The following SCARF2 variants were observed in gnomAD, a reference collection of about 807,000 sequenced individuals.
The protein encoded by SCARF2 is scavenger receptor expressed by endothelial cells 2 protein.
Under a neutral mutation model 73.4 loss-of-function variants are expected in SCARF2, and 39 were observed. The ratio of observed to expected loss-of-function variants is 0.53; its 90% confidence interval spans 0.41 to 0.69. The LOEUF is 0.69. Among genes scored for constraint, SCARF2 ranks in the 30% least tolerant of loss-of-function variants. SCARF2 has a pLI of 0.00. For synonymous variants in SCARF2, 605 were observed against 590.0 expected (o/e 1.03, Z -0.37); for missense variants, 1,148 against 1,303.5 (o/e 0.88, Z 1.84).
chr22:20,431,032 C>T lies in SCARF2; in HGVS notation c.840G>A (p.Leu280=), dbSNP rs766517005. The change falls in exon 4 of 11, where the codon TTG becomes TTA. Residue 280 remains leucine (L), a synonymous_variant. Transcript: ENST00000622235. ...ACCGCGCTTACCGGCGGCGACAGCC[C>T]AAGCCGTAGAAGCCGGCGGGGCACG... ...REPCPAGFYG[L]GCRRRCGQCK... is the part of the protein sequence containing the mutation. The T allele has an allele frequency of 2.6e-6, 4 of 1,560,842 alleles. No individual in the cohort carries two copies. The highest frequency in any genetic ancestry group is 1.8e-5 in the Admixed American group (1 of 54,244).
Position 20,425,223 on chromosome 22 carries a change from G to T in SCARF2, c.*152C>A. 1.7e-6 allele frequency: 1 copy of T among 575,198 alleles called. No individual in the cohort carries two copies. Among genetic ancestry groups the T allele is most frequent in the South Asian group, 5.6e-5 (1 of 17,886 alleles). The allele number at this position is 575,198 out of a possible 1,614,324, so 35.6% of individuals were successfully genotyped here. On this transcript the variant is annotated 3_prime_UTR_variant, in exon 11 of 11. Coordinates refer to ENST00000622235, the MANE Select transcript of SCARF2 (RefSeq NM_182895.5). The surrounding 1 kb of genome is among the most constrained non-coding windows in gnomAD (Gnocchi z 4.6). ...AGCACACTGCTCCAATCCAGGAGCG[G>T]CTGCAGGACCTGAGCCAATGAGACG...
intron 1 of SCARF2, among the ~76,000 whole-genome samples, chr22:20,434,022 A>G (rs999121887): frequency 1.2e-4 from 18 of 152,282 alleles, no homozygotes; most frequent in African/African-American, 4.3e-4. Context: ...GCTGGGTTTG[A>G]TGTCTGGGTT....
At position 20,429,124 on chromosome 22, in the gene SCARF2, C is replaced by T; in HGVS notation, c.1540+101G>A. Reference sequence around the variant, plus strand: ...CCACGCACATCAACACTCAAGGTCCCCCATTTCCTCACTGAGATCTGGACC... The same window carrying T: ...CCACGCACATCAACACTCAAGGTCCTCCATTTCCTCACTGAGATCTGGACC... On this transcript the variant is annotated intron_variant, in intron 9 of 10. Transcript: ENST00000622235. The surrounding 1 kb of genome is among the most constrained non-coding windows in gnomAD (Gnocchi z 5.2). 6.7e-7 allele frequency: 1 copy of T among 1,482,646 alleles called. No homozygotes were observed. The highest frequency in any genetic ancestry group is 1.2e-5 in the South Asian group (1 of 86,604). 91.8% of individuals were successfully genotyped at this position (1,482,646 alleles called of 1,614,324 possible).
Position 20,425,527 on chromosome 22 carries a change from G to C in SCARF2, c.2449C>G (p.Pro817Ala). ...VPPASPARAP[P>A]ATETPGPEKA... ...TCAGGCCCCGGGGTTTCGGTCGCTG[G>C]GGGCGCGCGGGCGGGCGAGGCTGGC... is the stretch of plus-strand genomic sequence containing the variant. The change falls in exon 11 of 11, where the codon CCA (proline) becomes GCA (alanine). Residue 817 changes from proline to alanine, a missense_variant. Physicochemically the swap from Pro to Ala is conservative, Grantham distance 27. Coordinates refer to ENST00000622235, the MANE Select transcript of SCARF2 (RefSeq NM_182895.5). The surrounding 1 kb of genome is among the most constrained non-coding windows in gnomAD (Gnocchi z 4.6). 7.4e-7 allele frequency: 1 copy of C among 1,347,256 alleles called. No individual in the cohort carries two copies. Among genetic ancestry groups the C allele is most frequent in the Non-Finnish European group, 9.5e-7 (1 of 1,052,484 alleles). The allele number at this position is 1,347,256 out of a possible 1,614,324, so 83.5% of individuals were successfully genotyped here.
chr22:20,431,916 G>A lies in SCARF2; in HGVS notation c.232+14C>T. The A allele has an allele frequency of 6.2e-7, 1 of 1,606,924 alleles. No individual in the cohort carries two copies. The highest frequency in any genetic ancestry group is 8.5e-7 in the Non-Finnish European group (1 of 1,177,768). On this transcript the variant is annotated intron_variant, in intron 2 of 10. Coordinates refer to ENST00000622235, the MANE Select transcript of SCARF2 (RefSeq NM_182895.5). ...CCCCTCCCCCGCCCCAGGTCCCCGG[G>A]ATGACCCACTCACCAATCCCACACT...
Position 20,429,529 on chromosome 22 carries a change from G to A in SCARF2, c.1424+7C>T. On this transcript the variant is annotated splice_region_variant and intron_variant, in intron 8 of 10. Coordinates refer to ENST00000622235, the MANE Select transcript of SCARF2 (RefSeq NM_182895.5). The surrounding 1 kb of genome is among the most constrained non-coding windows in gnomAD (Gnocchi z 5.2). ...CCAGGCGAAAGCGGGGCAGTATCTGGGCTCACCGGCGCGTAGGGTCCTTGC... is the reference window on the plus strand; with the variant it reads ...CCAGGCGAAAGCGGGGCAGTATCTGAGCTCACCGGCGCGTAGGGTCCTTGC... 6.2e-7 allele frequency: 1 copy of A among 1,612,200 alleles called. No homozygotes were observed. Among genetic ancestry groups the A allele is most frequent in the Non-Finnish European group, 8.5e-7 (1 of 1,179,596 alleles).
rs762509821 is a variant in SCARF2 at position 20,425,583 on chromosome 22, G to A, written c.2393C>T (p.Ala798Val). 2 of 1,342,632 alleles carry A rather than the reference G, an allele frequency of 1.5e-6. No homozygotes were observed. The highest frequency in any genetic ancestry group is 1.8e-5 in the South Asian group (1 of 54,458). The allele number at this position is 1,342,632 out of a possible 1,614,324, so 83.2% of individuals were successfully genotyped here. ...GGAGCGCTTGGCTTTCTGTGGGGGC[G>A]CCGGCTTTTCCCTGGGGCCCTGCGC... ...LGAQGPREKP[A>V]PPQKAKRSVP... Residue 798 changes from alanine to valine, a missense_variant, in exon 11 of 11, where the codon GCG (alanine) becomes GTG (valine). Ala to Val is a moderately conservative substitution (Grantham distance 64, BLOSUM62 0). Transcript: ENST00000622235. This position sits in a 1 kb window ranked among gnomAD's most constrained non-coding sequence, Gnocchi z 4.6.
Position 20,429,505 on chromosome 22 carries a change from C to T in SCARF2, c.1424+31G>A. On this transcript the variant is annotated intron_variant, in intron 8 of 10. Transcript: ENST00000622235. The surrounding 1 kb of genome is among the most constrained non-coding windows in gnomAD (Gnocchi z 5.2). ...GCACCCAGAGGGTGCGGCCTGAACC[C>T]AGGCGAAAGCGGGGCAGTATCTGGG... 1 of 1,609,700 alleles carries T rather than the reference C, an allele frequency of 6.2e-7. No homozygotes were observed. Among genetic ancestry groups the T allele is most frequent in the Non-Finnish European group, 8.5e-7 (1 of 1,178,968 alleles).
chr22:20,429,376 G>T lies in SCARF2; in HGVS notation c.1425-36C>A. The T allele has an allele frequency of 1.9e-6, 3 of 1,570,414 alleles. No individual in the cohort carries two copies. Among genetic ancestry groups the T allele is most frequent in the East Asian group, 2.3e-5 (1 of 42,790 alleles). On this transcript the variant is annotated intron_variant, in intron 8 of 10. Coordinates refer to ENST00000622235, the MANE Select transcript of SCARF2 (RefSeq NM_182895.5). The surrounding 1 kb of genome is among the most constrained non-coding windows in gnomAD (Gnocchi z 5.2). The stretch of plus-strand genomic sequence containing the variant: ...GGGGTCTGAGCGGAGGGGCGGGGCC[G>T]GGGCGGGGCCCAGGGGCGATTAGAT...
intron 1 of SCARF2, among the ~76,000 whole-genome samples, chr22:20,437,305 G>A (rs996456343): frequency 6.6e-6 from 1 of 152,190 alleles, no homozygotes; most frequent in Non-Finnish European, 1.5e-5. Context: ...CTTTTTCCAG[G>A]TCTTTCCTGA....
chr22:20,435,963 G>T (rs925798336), intron 1 of SCARF2, among the ~76,000 whole-genome samples: 2 of 152,228 alleles, frequency 1.3e-5, no homozygotes, highest in Admixed American at 6.5e-5. Flanking sequence ...CAAGATGTGG[G>T]AGGACAACAA....
At chr22:20,433,006 C>T (rs953304745) in intron 1 of SCARF2, among the ~76,000 whole-genome samples, 5 of 152,212 alleles carry the variant, frequency 3.3e-5, no homozygotes, top group African/African-American at 1.2e-4. Context: ...CATGAGCCAG[C>T]GTGCCCGGCC....
intron 6 of SCARF2, 92 bp downstream of exon 6, chr22:20,430,337 C>G: frequency 6.9e-7 from 1 of 1,448,054 alleles, no homozygotes; most frequent in Non-Finnish European, 9.4e-7. Flanking sequence ...AGGTGATAAC[C>G]CAGCTCAGGG....
At position 20,431,001 on chromosome 22, in the gene SCARF2, C is replaced by G; in HGVS notation, c.854+17G>C. ...CCCTTCCACCTCCTCCCTCCCTGGC[C>G]GAGAGACCGCGCTTACCGGCGGCGA... On this transcript the variant is annotated intron_variant, in intron 4 of 10. Coordinates refer to ENST00000622235, the MANE Select transcript of SCARF2 (RefSeq NM_182895.5). 1 of 1,564,540 alleles carries G rather than the reference C, an allele frequency of 6.4e-7. No homozygotes were observed. The highest frequency in any genetic ancestry group is 8.6e-7 in the Non-Finnish European group (1 of 1,163,338).
At position 20,431,122 on chromosome 22, in the gene SCARF2, G is replaced by A. The variant is rs748810245; in HGVS notation, c.750C>T (p.Arg250=). The A allele has an allele frequency of 1.3e-6, 2 of 1,562,666 alleles. No individual in the cohort carries two copies. Residue 250 remains arginine (R), a synonymous_variant, in exon 4 of 11, where the codon CGC becomes CGT. Transcript: ENST00000622235. The part of the protein sequence containing the change: ...CDRYCQCFRG[R]CHPVDGTCAC... ...CACACGTGCCGTCCACAGGGTGGCA[G>A]CGGCCGCGGAAGCACTGGCAGTAGC...
In SCARF2 at chr22:20,429,216, C is replaced by A; in HGVS notation, c.1540+9G>T. On this transcript the variant is annotated intron_variant, in intron 9 of 10. Coordinates refer to ENST00000622235, the MANE Select transcript of SCARF2 (RefSeq NM_182895.5). The surrounding 1 kb of genome is among the most constrained non-coding windows in gnomAD (Gnocchi z 5.2). ...GTTTCTCCCAGATACCCCGCGCTGTCATCCTTACCTACGACTTTGGGTAGT... is the reference window on the plus strand; with the variant it reads ...GTTTCTCCCAGATACCCCGCGCTGTAATCCTTACCTACGACTTTGGGTAGT... 6.2e-7 allele frequency: 1 copy of A among 1,614,022 alleles called. No homozygotes were observed. Among genetic ancestry groups the A allele is most frequent in the Non-Finnish European group, 8.5e-7 (1 of 1,180,028 alleles).
chr22:20,425,449 TG>T lies in SCARF2; in HGVS notation c.2526del (p.Ile843SerfsTer96). 7.0e-7 allele frequency: 1 copy of T among 1,420,118 alleles called. No homozygotes were observed. The highest frequency in any genetic ancestry group is 9.2e-7 in the Non-Finnish European group (1 of 1,085,128). 88.0% of individuals were successfully genotyped at this position (1,420,118 alleles called of 1,614,324 possible). On this transcript the variant is annotated frameshift_variant, in exon 11 of 11. Transcript: ENST00000622235. LOFTEE classifies it high-confidence loss of function. This position sits in a 1 kb window ranked among gnomAD's most constrained non-coding sequence, Gnocchi z 4.6. ...CTCTTCTTGCGCGGCGGCTTCTGGA[TG>T]GGGGTCTTCTTCCGGGGGGTCTCAG... ...PAPETPRKKT[P>X]IQKPPRKKSR...
At chr22:20,430,366 G>A (rs559969221) in intron 6 of SCARF2, 63 bp downstream of exon 6, 9 of 1,536,380 alleles carry the variant, frequency 5.9e-6, no homozygotes, top group Non-Finnish European at 7.9e-6. Context: ...CCACCTCGTC[G>A]GCTGGACCCC....
intron 1 of SCARF2, among the ~76,000 whole-genome samples, chr22:20,436,940 C>T (rs945579325): frequency 1.3e-5 from 2 of 152,202 alleles, no homozygotes; most frequent in Admixed American, 6.5e-5. Context: ...CCCCTTCTTG[C>T]ACCCAGAATC....
Sources: gnomAD v4.1 joint callset for allele counts (sites outside exome capture counted in the v4.1 genomes callset) on GRCh38, gnomAD v4.1.1 for gene constraint, Gnocchi (gnomAD v3.1) non-coding constraint, MANE v1.5 for transcripts, NCBI Gene and HGNC (gene_info 2026-07-23, HGNC 2026-07-21) for gene names.